WDR48: variants seen among roughly 807,000 people sequenced by gnomAD.
WDR48 encodes WD repeat domain 48, also known as WD repeat-containing protein 48.
In WDR48, 22 loss-of-function variants were observed where a neutral mutation model predicts 94.0. That is an observed-to-expected ratio of 0.23 (90% CI 0.17 to 0.33). The LOEUF (loss-of-function observed/expected upper bound fraction) is 0.33, where lower values mean the gene tolerates loss of function less well. WDR48 is among the 10% of genes least tolerant of loss of function. The pLI, the probability that WDR48 is intolerant of heterozygous loss-of-function variation, is 1.00. For synonymous variants in WDR48, 278 were observed against 280.5 expected (o/e 0.99, Z 0.09); for missense variants, 541 against 813.8 (o/e 0.66, Z 4.08).
chr3:39,077,328 A>G, intron 9 of WDR48, 115 bp downstream of exon 9: 1 of 1,077,380 alleles, frequency 9.3e-7, no homozygotes. Context: ...GCTTTTGGGC[A>G]GGGGCAAAAA....
intron 18 of WDR48, 198 bp from the exon 19 acceptor site, chr3:39,094,450 G>T (rs1215619581): frequency 2.5e-5 from 38 of 1,531,568 alleles, no homozygotes; most frequent in Non-Finnish European, 3.1e-5. Flanking sequence ...GGTGTTTCTG[G>T]CATAGTCACA....
Position 39,085,542 on chromosome 3 carries a change from C to T in WDR48, c.1406C>T (p.Ala469Val). Residue 469 changes from alanine (A) to valine (V), a missense_variant, in exon 14 of 19, where the codon GCA becomes GTA. Coordinates refer to ENST00000302313, the MANE Select transcript of WDR48 (RefSeq NM_020839.4). ...KLNLGGLLLQ[A>V]LLEYWPRTHV... ...AATTTAGGAGGACTTTTACTCCAAG[C>T]ACTCCTGGAATATTGGCCTAGAACA... The T allele has an allele frequency of 6.2e-7, 1 of 1,611,746 alleles. No homozygotes were observed. Among genetic ancestry groups the T allele is most frequent in the African/African-American group, 1.3e-5 (1 of 74,938 alleles).
intron 1 of WDR48, among the ~76,000 whole-genome samples, chr3:39,056,418 G>A (rs534205779): frequency 2.6e-5 from 4 of 152,268 alleles, no homozygotes; most frequent in African/African-American, 4.8e-5. Flanking sequence ...AAAATTTCCC[G>A]GAGCTTAAGT....
At chr3:39,072,249 TA>T (rs1243885978) in intron 7 of WDR48, among the ~76,000 whole-genome samples, 3 of 152,246 alleles carry the variant, frequency 2.0e-5, no homozygotes, top group African/African-American at 7.2e-5. Flanking sequence ...TGATTGGTGC[TA>T]ACATTATTGG....
At chr3:39,088,391 T>C (rs191485658) in intron 15 of WDR48, among the ~76,000 whole-genome samples, 158 bp downstream of exon 15, 10 of 152,358 alleles carry the variant, frequency 6.6e-5, no homozygotes, top group African/African-American at 2.2e-4. Context: ...GATAGTGAAA[T>C]GTCTGCTGCT....
At chr3:39,066,928 A>T in intron 5 of WDR48, 53 bp downstream of exon 5, 1 of 1,582,478 alleles carries the variant, frequency 6.3e-7, no homozygotes, top group Non-Finnish European at 8.6e-7. Flanking sequence ...AACATAAATA[A>T]AGAATGGTTT....
rs932652457 is a variant in WDR48, at chr3:39,096,300, TTC to T, written c.*1559_*1560del. On this transcript the variant is annotated 3_prime_UTR_variant, in exon 19 of 19. Coordinates refer to ENST00000302313, the MANE Select transcript of WDR48 (RefSeq NM_020839.4). ...CTCCCTTCCTCAGAGAGCAACCAGC[TTC>T]TTTTTTTTTAAAAGTCCTTTCTATC... 6.2e-5 allele frequency: 7 copies of T among 113,116 alleles called. No homozygotes were observed. Among genetic ancestry groups the T allele is most frequent in the Non-Finnish European group, 9.6e-5 (6 of 62,806 alleles). The allele number at this position is 113,116 out of a possible 1,614,324, so 7.0% of individuals were successfully genotyped here. A position where few individuals can be genotyped will look rare whatever the true frequency, so the allele number is the denominator to read the frequency against.
intron 14 of WDR48, among the ~76,000 whole-genome samples, chr3:39,086,975 G>C (rs2125679530): frequency 6.6e-6 from 1 of 152,312 alleles, no homozygotes; most frequent in South Asian, 2.1e-4. Context: ...TTGGTGAGCA[G>C]CTCTACTATT....
At chr3:39,076,627 G>A (rs926197355) in intron 8 of WDR48, among the ~76,000 whole-genome samples, 8 of 152,134 alleles carry the variant, frequency 5.3e-5, no homozygotes, top group Non-Finnish European at 1.0e-4. Flanking sequence ...ATATATACAT[G>A]CACATAAACA....
rs1266583079 is a variant in WDR48, at chr3:39,073,738, G to A, written c.673-988G>A. ...GCTTCTATGTAGTTGACTCTCTTGA[G>A]CCATCAGAAATTGTCAGAATTGCCA... is the stretch of plus-strand genomic sequence containing the variant. On this transcript the variant is annotated intron_variant, in intron 7 of 18. Transcript: ENST00000302313. Among the ~76,000 whole-genome samples the A allele has an allele frequency of 2.0e-5, 3 of 152,182 alleles. No homozygotes were observed. The East Asian group carries it at 5.8e-4, about 29-fold the overall frequency.
intron 1 of WDR48, among the ~76,000 whole-genome samples, chr3:39,056,641 T>A (rs2032907887): frequency 6.6e-6 from 1 of 152,204 alleles, no homozygotes; most frequent in African/African-American, 2.4e-5. Flanking sequence ...CAACATTGGA[T>A]GCTAGAGGAA....
chr3:39,067,983 A>C (rs2033711267), intron 5 of WDR48, among the ~76,000 whole-genome samples: 1 of 152,040 alleles, frequency 6.6e-6, no homozygotes, highest in Admixed American at 6.6e-5. Context: ...ATGGGAGGGA[A>C]CAAAGCAAAA....
rs754167012 is a variant in WDR48, at chr3:39,065,858, C to T, written c.237C>T (p.Asn79=). ...TGGAACACCATACTGATTGGGTAAA[C>T]GACATTGTACTCTGTTGTAATGGGA... ...ASMEHHTDWV[N]DIVLCCNGKT... Residue 79 remains asparagine (N), a synonymous_variant, in exon 3 of 19, where the codon AAC becomes AAT. Transcript: ENST00000302313. 56 of 1,605,288 alleles carry T rather than the reference C, an allele frequency of 3.5e-5. No homozygotes were observed. Among genetic ancestry groups the T allele is most frequent in the East Asian group, 6.7e-5 (3 of 44,504 alleles).
At chr3:39,084,975 C>A (rs574764663) in intron 13 of WDR48, among the ~76,000 whole-genome samples, 60 of 152,232 alleles carry the variant, frequency 3.9e-4, no homozygotes, top group Non-Finnish European at 6.9e-4. Flanking sequence ...CACCTGTAAT[C>A]TCAGCACTTT....
chr3:39,091,565 A>G, intron 16 of WDR48, 60 bp from the exon 17 acceptor site: 1 of 1,265,852 alleles, frequency 7.9e-7, no homozygotes, highest in Non-Finnish European at 1.1e-6. Context: ...TCCTATTAAC[A>G]TTATTTTCAT....
intron 11 of WDR48, among the ~76,000 whole-genome samples, chr3:39,082,106 C>T (rs9637538): frequency 0.035 from 5,333 of 152,030 alleles, 195 homozygotes; most frequent in East Asian, 0.16. Context: ...CCTAAAATGT[C>T]GGGGGTGCCT....
intron 2 of WDR48, 128 bp from the exon 3 acceptor site, chr3:39,065,683 G>A (rs1200436317): frequency 1.8e-5 from 10 of 546,960 alleles, no homozygotes; most frequent in Non-Finnish European, 3.0e-6. Context: ...ATTCTACTCA[G>A]AATTCAGGTG....
intron 6 of WDR48, among the ~76,000 whole-genome samples, chr3:39,069,180 G>A (rs6599005): frequency 0.15 from 23,090 of 152,040 alleles, 3,495 homozygotes; most frequent in African/African-American, 0.39. Context: ...ACAGGGTTTC[G>A]CCATGTTGTC....
chr3:39,087,989 C>T, intron 14 of WDR48, 139 bp from the exon 15 acceptor site: 1 of 716,056 alleles, frequency 1.4e-6, no homozygotes, highest in Non-Finnish European at 2.3e-6. Context: ...TTGTTTTTAA[C>T]CTTTATTTCT....
Sources: gnomAD v4.1 joint callset for allele counts (sites outside exome capture counted in the v4.1 genomes callset) on GRCh38, gnomAD v4.1.1 for gene constraint, MANE v1.5 for transcripts, NCBI Gene and HGNC (gene_info 2026-07-23, HGNC 2026-07-21) for gene names.